FER1L6: variants seen among roughly 807,000 people sequenced by gnomAD.
FER1L6 encodes the protein fer-1-like protein 6.
In FER1L6, 177 loss-of-function variants were observed where a neutral mutation model predicts 219.2. That is an observed-to-expected ratio of 0.81 (90% CI 0.71 to 0.91). The LOEUF (loss-of-function observed/expected upper bound fraction) is 0.91. Ranked by LOEUF, FER1L6 falls within the 40% of genes least tolerant of loss-of-function variation. The pLI is 0.00. For synonymous variants in FER1L6, 768 were observed against 824.3 expected, an observed-to-expected ratio of 0.93 and a Z score of 1.17; for missense variants, 2,153 against 2,259.9, an observed-to-expected ratio of 0.95 and a Z score of 0.96.
chr8:123,909,941 T>C (rs1375014495), intron 1 of FER1L6, among the ~76,000 whole-genome samples: 6 of 152,154 alleles, frequency 3.9e-5, no homozygotes, highest in African/African-American at 1.4e-4. Context: ...TGCAAACATA[T>C]GGAGTCATAA....
intron 24 of FER1L6, 134 bp downstream of exon 24, chr8:124,060,843 A>G (rs1820535230): frequency 9.7e-7 from 1 of 1,026,636 alleles, no homozygotes; most frequent in African/African-American, 1.6e-5. Flanking sequence ...GAATGAGATA[A>G]AATAGACTTT....
intron 20 of FER1L6, among the ~76,000 whole-genome samples, chr8:124,042,749 C>T (rs546762818): frequency 5.9e-5 from 9 of 152,230 alleles, no homozygotes; most frequent in South Asian, 2.1e-4. Context: ...CACCTGACCA[C>T]GCGGGGCTCA....
chr8:124,092,305 C>T lies in FER1L6; in HGVS notation c.4552+722C>T, dbSNP rs553785323. On this transcript the variant is annotated intron_variant, in intron 34 of 40. Transcript: ENST00000522917. ...GTAGTGACAATGCTATAATGAACTTCCTTATACATATTTTTGTGTGTTTCT... is the reference window on the plus strand; with the variant it reads ...GTAGTGACAATGCTATAATGAACTTTCTTATACATATTTTTGTGTGTTTCT... 2.4e-4 allele frequency among the ~76,000 whole-genome samples: 37 copies of T among 152,146 alleles called. No individual in the cohort carries two copies. In the East Asian group the frequency reaches 7.0e-3, roughly 29 times the overall value.
In FER1L6 at chr8:124,006,351, A is replaced by G. The variant is rs146402312; in HGVS notation, c.1700+3004A>G. Among the ~76,000 whole-genome samples the G allele has an allele frequency of 1.6e-3, 240 of 152,098 alleles. 1 individual carries two copies. The highest frequency in any genetic ancestry group is 5.1e-3 in the African/African-American group (213 of 41,410). On this transcript the variant is annotated intron_variant, in intron 13 of 40. Transcript: ENST00000522917. ...CTGCTGGCTCAAGGAGATCAAAATA[A>G]GTCATGCTGGTATTTTTTTTTGGTA...
chr8:124,037,118 C>T (rs923182005), intron 19 of FER1L6, among the ~76,000 whole-genome samples: 6 of 152,198 alleles, frequency 3.9e-5, no homozygotes, highest in African/African-American at 1.4e-4. Flanking sequence ...ACTAGTAAGA[C>T]TCAAGGTTTC....
intron 1 of FER1L6, among the ~76,000 whole-genome samples, chr8:123,885,803 G>A (rs1348095969): frequency 1.3e-5 from 2 of 152,166 alleles, no homozygotes; most frequent in Non-Finnish European, 2.9e-5. Flanking sequence ...TTGAGCCCAG[G>A]TGCAAGTAAT....
At chr8:124,051,960 A>C (rs1031025001) in intron 22 of FER1L6, among the ~76,000 whole-genome samples, 2 of 152,162 alleles carry the variant, frequency 1.3e-5, no homozygotes, top group Non-Finnish European at 2.9e-5. Flanking sequence ...GCTGGGTGAG[A>C]GTTCTTGGGG....
chr8:124,060,888 G>A (rs1242727626), intron 24 of FER1L6, 179 bp downstream of exon 24: 4 of 688,916 alleles, frequency 5.8e-6, no homozygotes, highest in Admixed American at 6.4e-5. Context: ...CGTTTCCAGT[G>A]TGGATCATAC....
At chr8:123,918,308 CAAA>C (rs34073010) in intron 1 of FER1L6, among the ~76,000 whole-genome samples, 6 of 123,732 alleles carry the variant, frequency 4.8e-5, no homozygotes, top group Admixed American at 8.1e-5. Context: ...CAACCTGTCT[CAAA>C]AAAAAAAAAA....
intron 34 of FER1L6, among the ~76,000 whole-genome samples, chr8:124,094,661 A>T (rs1416534938): frequency 1.3e-5 from 2 of 151,882 alleles, no homozygotes; most frequent in Non-Finnish European, 2.9e-5. Flanking sequence ...AATTTTTTGT[A>T]TTTTTAGTAG....
chr8:124,009,998 G>A (rs187582312), intron 13 of FER1L6, among the ~76,000 whole-genome samples: 30 of 151,484 alleles, frequency 2.0e-4, no homozygotes, highest in African/African-American at 7.0e-4. Context: ...GCAAGCTGGC[G>A]ACCCGGGGAG....
chr8:124,024,690 G>T (rs1204492560), intron 18 of FER1L6, among the ~76,000 whole-genome samples: 3 of 151,978 alleles, frequency 2.0e-5, no homozygotes, highest in Non-Finnish European at 4.4e-5. Flanking sequence ...GTGTCTTTTT[G>T]ATCTTTTTCT....
At chr8:123,879,625 G>A (rs1042712282) in intron 1 of FER1L6, among the ~76,000 whole-genome samples, 3 of 151,812 alleles carry the variant, frequency 2.0e-5, no homozygotes, top group African/African-American at 4.8e-5. Context: ...GTGCCTGGCC[G>A]GAGTCAATAT....
chr8:123,916,420 C>T (rs184463803), intron 1 of FER1L6, among the ~76,000 whole-genome samples: 11 of 152,172 alleles, frequency 7.2e-5, no homozygotes, highest in Non-Finnish European at 1.3e-4. Flanking sequence ...TATGGTGTTG[C>T]CTCCTTCATT....
intron 1 of FER1L6, among the ~76,000 whole-genome samples, chr8:123,894,757 C>A (rs1233289066): frequency 5.3e-5 from 8 of 152,050 alleles, no homozygotes; most frequent in Non-Finnish European, 1.0e-4. Flanking sequence ...GAAGGAGGTA[C>A]TCTGGAAGTG....
intron 33 of FER1L6, among the ~76,000 whole-genome samples, chr8:124,086,304 A>AT (rs1421407392): frequency 6.7e-6 from 1 of 148,980 alleles, no homozygotes. Context: ...AGTGAAGGTG[A>AT]TTTTCTCTGG....
chr8:123,856,312 A>ATGTGTGTGTGTG (rs1266081655), intron 1 of FER1L6, among the ~76,000 whole-genome samples: 10 of 52,794 alleles, frequency 1.9e-4, no homozygotes, highest in Non-Finnish European at 3.5e-4. Flanking sequence ...ATATATATGT[A>ATGTGTGTGTGTG]TGTGTATATA....
At chr8:123,862,503 T>G (rs1462337453) in intron 1 of FER1L6, among the ~76,000 whole-genome samples, 1 of 139,936 alleles carries the variant, frequency 7.1e-6, no homozygotes. Context: ...TAAAATGAGT[T>G]AGGGAGGATT....
At chr8:123,983,955 A>G (rs1226038916) in intron 11 of FER1L6, among the ~76,000 whole-genome samples, 3 of 152,150 alleles carry the variant, frequency 2.0e-5, no homozygotes, top group African/African-American at 7.2e-5. Context: ...TGTGGGCAAA[A>G]TTCTTAATAC....
Sources: gnomAD v4.1 joint callset for allele counts (sites outside exome capture counted in the v4.1 genomes callset) on GRCh38, gnomAD v4.1.1 for gene constraint, MANE v1.5 for transcripts, NCBI Gene and HGNC (gene_info 2026-07-23, HGNC 2026-07-21) for gene names.